Variants in EPHB1 observed in about 807,000 individuals in gnomAD.
EPHB1 encodes EPH receptor B1, also known as ephrin type-B receptor 1.
Under a neutral mutation model 94.4 loss-of-function variants are expected in EPHB1, and 30 were observed. That is an observed-to-expected ratio of 0.32 (90% CI 0.24 to 0.43). The LOEUF is 0.43. EPHB1 is among the 20% of genes least tolerant of loss of function. The pLI is 1.00. For synonymous variants in EPHB1, 522 were observed against 489.1 expected, an observed-to-expected ratio of 1.07 and a Z score of -0.89; for missense variants, 1,055 against 1,308.3, an observed-to-expected ratio of 0.81 and a Z score of 2.99.
chr3:135,206,098 T>C (rs1251629836), intron 12 of EPHB1, among the ~76,000 whole-genome samples: 1 of 152,246 alleles, frequency 6.6e-6, no homozygotes, highest in East Asian at 1.9e-4. Context: ...ATTGGTTTTA[T>C]AACTTCATAT....
intron 3 of EPHB1, among the ~76,000 whole-genome samples, chr3:134,956,674 C>T (rs1933289447): frequency 1.3e-5 from 2 of 152,060 alleles, no homozygotes. Context: ...TAGGTAAGTC[C>T]CTTTTCATTG....
chr3:135,106,695 T>A, intron 4 of EPHB1, 92 bp downstream of exon 4: 1 of 1,513,736 alleles, frequency 6.6e-7, no homozygotes, highest in Admixed American at 1.9e-5. Flanking sequence ...GACATCATCC[T>A]TTGATCCCAG....
chr3:135,045,265 G>GAAAAAAAAGAAA (rs1559807788), intron 3 of EPHB1, among the ~76,000 whole-genome samples: 1 of 151,098 alleles, frequency 6.6e-6, no homozygotes, highest in African/African-American at 2.4e-5. Flanking sequence ...ACCAGTCACT[G>GAAAAAAAAGAAA]AAAAAAAAGA....
intron 1 of EPHB1, among the ~76,000 whole-genome samples, chr3:134,924,260 T>TAA (rs1369026720): frequency 6.6e-6 from 1 of 152,138 alleles, no homozygotes; most frequent in Non-Finnish European, 1.5e-5. Flanking sequence ...TCATCAAAAT[T>TAA]AAAAACTTCT....
At chr3:134,874,893 G>T (rs1392523361) in intron 1 of EPHB1, among the ~76,000 whole-genome samples, 3 of 152,214 alleles carry the variant, frequency 2.0e-5, no homozygotes, top group Non-Finnish European at 4.4e-5. Flanking sequence ...CCCTCCCTCT[G>T]CCTTCATACC....
chr3:134,811,395 T>C (rs947173194), intron 1 of EPHB1, among the ~76,000 whole-genome samples: 5 of 151,974 alleles, frequency 3.3e-5, no homozygotes, highest in African/African-American at 1.2e-4. Context: ...AGCACCACCA[T>C]GGCTGGCTAA....
Position 134,804,559 on chromosome 3 carries a change from G to T in EPHB1, c.58+8870G>T, listed in dbSNP as rs73861951. On this transcript the variant is annotated intron_variant, in intron 1 of 15. Coordinates refer to ENST00000398015, the MANE Select transcript of EPHB1 (RefSeq NM_004441.5). ...TGCCTGGATCTTGGTGGGTGTGTGT[G>T]GGGGGGAGGAATCAGGGCACAGCGC... Among the ~76,000 whole-genome samples, 651 of 152,074 alleles carry T rather than the reference G, an allele frequency of 4.3e-3. 1 individual carries two copies. The highest frequency in any genetic ancestry group is 0.015 in the African/African-American group (621 of 41,494).
intron 13 of EPHB1, among the ~76,000 whole-genome samples, chr3:135,245,778 C>CATG (rs1032153256): frequency 8.4e-5 from 10 of 119,268 alleles, no homozygotes; most frequent in Non-Finnish European, 1.4e-4. Context: ...TGCACTCCAG[C>CATG]ATGAGCAAGA....
chr3:134,950,427 T>A (rs993435733), intron 2 of EPHB1, among the ~76,000 whole-genome samples: 1 of 152,234 alleles, frequency 6.6e-6, no homozygotes, highest in South Asian at 2.1e-4. Context: ...ATTAGTCCAC[T>A]CTTGCATTGC....
rs138424576 is a variant in EPHB1 at position 135,135,465 on chromosome 3, A to G, written c.1297+2416A>G. 2.6e-5 allele frequency among the ~76,000 whole-genome samples: 4 copies of G among 152,346 alleles called. No homozygotes were observed. The East Asian group carries it at 7.7e-4, about 29-fold the overall frequency. ...CAGTTTAGAACCATGAACAGAAGCT[A>G]TGCATTTTACCAGAGGTGGACAAGA... On this transcript the variant is annotated intron_variant, in intron 5 of 15. Coordinates refer to ENST00000398015, the MANE Select transcript of EPHB1 (RefSeq NM_004441.5).
At chr3:134,925,955 C>T (rs192408935) in intron 2 of EPHB1, 75 bp downstream of exon 2, 4 of 1,312,594 alleles carry the variant, frequency 3.0e-6, no homozygotes, top group African/African-American at 3.0e-5. Flanking sequence ...GGAGTAGAGA[C>T]TACCCAGAGC....
chr3:134,827,357 G>A (rs1166771339), intron 1 of EPHB1, among the ~76,000 whole-genome samples: 3 of 123,816 alleles, frequency 2.4e-5, no homozygotes, highest in African/African-American at 9.9e-5. Context: ...GTGCGCGGGT[G>A]CGCGTGCACA....
intron 1 of EPHB1, among the ~76,000 whole-genome samples, chr3:134,905,459 A>G (rs2038303385): frequency 6.6e-6 from 1 of 152,212 alleles, no homozygotes; most frequent in Non-Finnish European, 1.5e-5. Flanking sequence ...ACTGCCCAGC[A>G]TTGCCAACCA....
intron 3 of EPHB1, among the ~76,000 whole-genome samples, chr3:135,020,666 C>T (rs753777504): frequency 7.2e-5 from 11 of 152,294 alleles, no homozygotes; most frequent in Non-Finnish European, 1.3e-4. Context: ...TTGACTGTTT[C>T]AAGCTTTCCC....
At chr3:135,124,943 A>G (rs1418526082) in intron 4 of EPHB1, among the ~76,000 whole-genome samples, 2 of 151,530 alleles carry the variant, frequency 1.3e-5, no homozygotes, top group African/African-American at 4.9e-5. Context: ...GCTGCTTTGG[A>G]CCCTCAGCAC....
intron 3 of EPHB1, among the ~76,000 whole-genome samples, chr3:135,075,273 T>G (rs970159723): frequency 4.6e-5 from 7 of 152,146 alleles, no homozygotes; most frequent in African/African-American, 1.7e-4. Flanking sequence ...CATCTGAGAA[T>G]TCAGACATCT....
intron 3 of EPHB1, among the ~76,000 whole-genome samples, chr3:135,039,210 C>T (rs1192433709): frequency 1.3e-5 from 2 of 151,510 alleles, no homozygotes; most frequent in African/African-American, 2.4e-5. Flanking sequence ...AGGTTCTCCA[C>T]GTCCTCACCA....
intron 3 of EPHB1, among the ~76,000 whole-genome samples, chr3:135,103,941 G>T (rs1576386733): frequency 6.6e-6 from 1 of 152,334 alleles, no homozygotes; most frequent in Middle Eastern, 3.4e-3. Flanking sequence ...GCCACTTGTG[G>T]ATATCAGGAC....
At chr3:134,904,806 T>C (rs868486804) in intron 1 of EPHB1, among the ~76,000 whole-genome samples, 2 of 149,310 alleles carry the variant, frequency 1.3e-5, no homozygotes, top group Admixed American at 6.6e-5. Flanking sequence ...TGTCTAAATA[T>C]AGTGTTTATA....
Sources: allele counts gnomAD v4.1 joint callset (sites outside exome capture counted in the v4.1 genomes callset), GRCh38; gene constraint gnomAD v4.1.1; transcripts MANE v1.5; gene names NCBI Gene and HGNC (gene_info 2026-07-23, HGNC 2026-07-21).